Variants in PLEKHG7 observed in about 807,000 individuals in gnomAD.
PLEKHG7 encodes the protein pleckstrin homology domain-containing family G member 7.
Under a neutral mutation model 85.2 loss-of-function variants are expected in PLEKHG7, and 77 were observed. The ratio of observed to expected loss-of-function variants is 0.90; its 90% CI spans 0.75 to 1.09. The LOEUF (loss-of-function observed/expected upper bound fraction) is 1.09, where lower values mean the gene tolerates loss of function less well. Among genes scored for constraint, PLEKHG7 ranks in the 50% least tolerant of loss-of-function variants. PLEKHG7 has a pLI of 0.00. For synonymous variants in PLEKHG7, 301 were observed against 302.4 expected, an observed-to-expected ratio of 1.00 and a Z score of 0.05; for missense variants, 777 against 804.3, an observed-to-expected ratio of 0.97 and a Z score of 0.41.
chr12:92,747,711 G>A (rs559270183), intron 10 of PLEKHG7, among the ~76,000 whole-genome samples: 2 of 152,324 alleles, frequency 1.3e-5, no homozygotes, highest in Non-Finnish European at 2.9e-5. Context: ...CTGTGCAGTA[G>A]ACTATTATTC....
intron 3 of PLEKHG7, chr12:92,721,576 G>GGC: frequency 2.1e-6 from 1 of 477,024 alleles, no homozygotes; most frequent in Non-Finnish European, 3.1e-6. Context: ...TGGGGGTGGG[G>GGC]AAAGCCAGTG....
intron 4 of PLEKHG7, among the ~76,000 whole-genome samples, chr12:92,731,483 T>C (rs1021693018): frequency 6.6e-6 from 1 of 152,236 alleles, no homozygotes; most frequent in Non-Finnish European, 1.5e-5. Context: ...ACATCCATTT[T>C]GTATGCTGAA....
rs1199233292 is a variant in PLEKHG7 at position 92,761,654 on chromosome 12, G to GA, written c.1637-95dup. ...AGAAAGAAAGAAAGAAAGAAAGAAA[G>GA]AAAGAAAGAAAGAAAGAAAGAAAGA... is the stretch of plus-strand genomic sequence containing the variant. On this transcript the variant is annotated intron_variant, in intron 13 of 16. Coordinates refer to ENST00000344636, the MANE Select transcript of PLEKHG7 (RefSeq NM_001377329.1). 18 of 1,198,184 alleles carry GA rather than the reference G, an allele frequency of 1.5e-5. No individual in the cohort carries two copies. In the African/African-American group the frequency reaches 3.1e-4, roughly 20 times the overall value. The allele number at this position is 1,198,184 out of a possible 1,614,324, so 74.2% of individuals were successfully genotyped here. A position where few individuals can be genotyped will look rare whatever the true frequency, so the allele number is the denominator to read the frequency against.
intron 15 of PLEKHG7, 85 bp from the exon 16 acceptor site, chr12:92,768,898 C>A: frequency 1.1e-6 from 1 of 947,390 alleles, no homozygotes; most frequent in Non-Finnish European, 1.5e-6. Flanking sequence ...AAATAGAAAA[C>A]AAACCCCAGA....
At chr12:92,746,601 C>G (rs1872539380) in intron 10 of PLEKHG7, among the ~76,000 whole-genome samples, 1 of 152,214 alleles carries the variant, frequency 6.6e-6, no homozygotes, top group Non-Finnish European at 1.5e-5. Flanking sequence ...ATGGATTACA[C>G]TCTTAGCTAG....
intron 11 of PLEKHG7, among the ~76,000 whole-genome samples, chr12:92,754,680 C>G (rs1020934013): frequency 6.6e-6 from 1 of 152,086 alleles, no homozygotes; most frequent in Non-Finnish European, 1.5e-5. Flanking sequence ...CACCGAAAGC[C>G]AGGGTCAATA....
At chr12:92,740,797 G>A (rs1872331451) in intron 7 of PLEKHG7, 56 bp from the exon 8 acceptor site, 3 of 1,192,304 alleles carry the variant, frequency 2.5e-6, no homozygotes, top group African/African-American at 1.5e-5. Context: ...CTTGCAAAAG[G>A]CATGTTGCAA....
chr12:92,769,430 C>T (rs1438648771), intron 16 of PLEKHG7, among the ~76,000 whole-genome samples: 2 of 152,088 alleles, frequency 1.3e-5, no homozygotes, highest in Non-Finnish European at 2.9e-5. Flanking sequence ...GCATGATGAA[C>T]CTTTAAGATG....
intron 3 of PLEKHG7, among the ~76,000 whole-genome samples, chr12:92,716,245 C>T (rs1565787115): frequency 6.6e-6 from 1 of 152,044 alleles, no homozygotes; most frequent in Non-Finnish European, 1.5e-5. Context: ...TACAGGTGTG[C>T]ACCACCACAC....
intron 10 of PLEKHG7, among the ~76,000 whole-genome samples, chr12:92,747,034 C>T (rs1379853471): frequency 6.6e-6 from 1 of 152,022 alleles, no homozygotes; most frequent in Non-Finnish European, 1.5e-5. Flanking sequence ...ACAAATAGTA[C>T]TATATTAAAC....
In PLEKHG7 at chr12:92,772,008, G is replaced by GA. The variant is rs1315559728; in HGVS notation, c.*1813_*1814insA. Reference sequence around the variant, plus strand: ...TGAGGATATGCACATTAAACTCTTTGGAGGGTTTAGAATGAAGCACATTCG... The same window carrying GA: ...TGAGGATATGCACATTAAACTCTTTGAGAGGGTTTAGAATGAAGCACATTCG... On this transcript the variant is annotated 3_prime_UTR_variant, in exon 17 of 17. Coordinates refer to ENST00000344636, the MANE Select transcript of PLEKHG7 (RefSeq NM_001377329.1). 6.6e-6 allele frequency: 1 copy of GA among 151,838 alleles called. No homozygotes were observed. Among genetic ancestry groups the GA allele is most frequent in the East Asian group, 1.9e-4 (1 of 5,196 alleles). The allele number at this position is 151,838 out of a possible 1,614,324, so 9.4% of individuals were successfully genotyped here.
At position 92,737,426 on chromosome 12, in the gene PLEKHG7, G is replaced by T. The variant is rs1428329305; in HGVS notation, c.844G>T (p.Asp282Tyr). 1.3e-6 allele frequency: 2 copies of T among 1,573,518 alleles called. No individual in the cohort carries two copies. Among genetic ancestry groups the T allele is most frequent in the Middle Eastern group, 1.7e-4 (1 of 5,856 alleles). ...VLETHHKLPT[D>Y]QLDLKKQQEA... ...GGAAACACATCACAAACTCCCGACC[G>T]ATCAATTAGACCTGAAAAAGCAGCA... Residue 282 changes from aspartate (D) to tyrosine (Y), a missense_variant, in exon 7 of 17, where the codon GAT (aspartate) becomes TAT (tyrosine). By Grantham distance (160) the Asp-to-Tyr change is radical (BLOSUM62 -3). Around this residue, in one of 3 missense-constraint regions of PLEKHG7, gnomAD observed 520 missense variants for 544.0 expected, o/e 0.96. Transcript: ENST00000344636.
intron 3 of PLEKHG7, among the ~76,000 whole-genome samples, chr12:92,718,267 T>C (rs1013451395): frequency 1.3e-5 from 2 of 152,220 alleles, no homozygotes; most frequent in Non-Finnish European, 2.9e-5. Flanking sequence ...GGAGCCTTCC[T>C]GATATGGGCA....
At chr12:92,765,605 G>C (rs1484891658) in intron 15 of PLEKHG7, among the ~76,000 whole-genome samples, 1 of 151,004 alleles carries the variant, frequency 6.6e-6, no homozygotes, top group Non-Finnish European at 1.5e-5. Flanking sequence ...CTTCAGCCTG[G>C]GCAACAAGAG....
chr12:92,768,882 C>A, intron 15 of PLEKHG7, 101 bp from the exon 16 acceptor site: 3 of 793,828 alleles, frequency 3.8e-6, no homozygotes, highest in South Asian at 2.1e-5. Context: ...AAAACAGAAA[C>A]AAGCCAAATA....
chr12:92,754,181 T>C lies in PLEKHG7; in HGVS notation c.1343T>C (p.Leu448Pro). ...LQRLTRYPLL[L>P]KNIWKRSMDS... ...AGGCTCACTCGATATCCGTTGTTGC[T>C]GAAGAATATCTGGAAAAGGAGCATG... The change falls in exon 11 of 17, where the codon CTG (leucine) becomes CCG (proline). Residue 448 changes from leucine (L) to proline (P), a missense_variant. Physicochemically the swap from Leu to Pro is moderately conservative, Grantham distance 98. Around this residue, in one of 3 missense-constraint regions of PLEKHG7, gnomAD observed 520 missense variants for 544.0 expected, o/e 0.96. Transcript: ENST00000344636. The C allele has an allele frequency of 6.2e-6, 10 of 1,613,966 alleles. No homozygotes were observed. The highest frequency in any genetic ancestry group is 1.3e-5 in the African/African-American group (1 of 75,012).
chr12:92,743,730 T>C (rs1369683824), intron 9 of PLEKHG7, among the ~76,000 whole-genome samples: 1 of 152,152 alleles, frequency 6.6e-6, no homozygotes, highest in Non-Finnish European at 1.5e-5. Flanking sequence ...CAACTAATTT[T>C]TGTATTCTTA....
chr12:92,761,963 A>G (rs1873047572), intron 14 of PLEKHG7, 132 bp downstream of exon 14: 5 of 1,139,958 alleles, frequency 4.4e-6, no homozygotes, highest in Non-Finnish European at 5.6e-6. Flanking sequence ...AAATGAAGGC[A>G]TTATAAACTA....
intron 10 of PLEKHG7, among the ~76,000 whole-genome samples, chr12:92,747,410 G>C (rs1023324192): frequency 6.6e-6 from 1 of 152,052 alleles, no homozygotes; most frequent in Non-Finnish European, 1.5e-5. Flanking sequence ...AATAAAATAA[G>C]AGATGCTGGC....
Sources: allele counts gnomAD v4.1 joint callset (sites outside exome capture counted in the v4.1 genomes callset), GRCh38; gene constraint gnomAD v4.1.1; regional missense constraint gnomAD v4.1.1; transcripts MANE v1.5; gene names NCBI Gene and HGNC (gene_info 2026-07-23, HGNC 2026-07-21).